The following APOOL variants were observed in gnomAD, a reference collection of about 807,000 sequenced individuals.
The protein encoded by APOOL is MICOS complex subunit MIC27.
APOOL carries 12 observed loss-of-function variants against 23.1 expected under a neutral mutation model. That is an observed-to-expected ratio of 0.52 (90% CI 0.33 to 0.84). APOOL has a LOEUF of 0.84. APOOL is among the 40% of genes least tolerant of loss of function. The pLI is 0.02. For missense variants in APOOL, 212 were observed against 199.6 expected, an observed-to-expected ratio of 1.06 and a Z score of -0.37; for synonymous variants, 77 against 69.9, an observed-to-expected ratio of 1.10 and a Z score of -0.51.
rs916178297 is a variant in APOOL at position 85,049,851 on chromosome X, A to C, written c.121-1538A>C. Among the ~76,000 whole-genome samples the C allele has an allele frequency of 3.6e-5, 4 of 111,498 alleles. No homozygotes were observed. The Admixed American group carries it at 3.8e-4, about 11-fold the overall frequency. On this transcript the variant is annotated intron_variant, in intron 2 of 8. Transcript: ENST00000373173. ...TTTTGATGGGGACAGAGGAGAGAGA[A>C]TAAGAACAATGAGTGTAATAAAGTT...
At chrX:85,049,063 G>A (rs1922673536) in intron 2 of APOOL, among the ~76,000 whole-genome samples, 1 of 111,298 alleles carries the variant, frequency 9.0e-6, no homozygotes. Flanking sequence ...CCATTTGCTT[G>A]TTGTCACTGA....
chrX:85,049,890 T>G (rs1267937284), intron 2 of APOOL, among the ~76,000 whole-genome samples: 1 of 111,589 alleles, frequency 9.0e-6, no homozygotes, highest in African/African-American at 3.3e-5. Flanking sequence ...AATTGGGATG[T>G]GTAAATAATA....
chrX:85,048,082 G>T (rs748695338), intron 2 of APOOL, among the ~76,000 whole-genome samples: 2 of 110,988 alleles, frequency 1.8e-5, no homozygotes, highest in East Asian at 5.7e-4. Flanking sequence ...TCTATAAGCC[G>T]AAGTGTAGGT....
chrX:85,083,796 A>G (rs1271449505), intron 8 of APOOL, among the ~76,000 whole-genome samples: 1 of 111,958 alleles, frequency 8.9e-6, no homozygotes, highest in Non-Finnish European at 1.9e-5. Flanking sequence ...GAACTAAATT[A>G]TCAGTTATGT....
At chrX:85,058,040 T>C (rs557302316) in intron 5 of APOOL, among the ~76,000 whole-genome samples, 2 of 111,230 alleles carry the variant, frequency 1.8e-5, no homozygotes, top group South Asian at 7.7e-4. Flanking sequence ...ATAAATATAA[T>C]GAATCTCAGG....
rs940244396 is a variant in APOOL at position 85,054,380 on chromosome X, A to G, written c.277A>G (p.Thr93Ala). Residue 93 changes from threonine (T) to alanine (A), a missense_variant, in exon 4 of 9, where the codon ACA becomes GCA. Thr to Ala is a moderately conservative substitution (Grantham distance 58, BLOSUM62 0). Coordinates refer to ENST00000373173, the MANE Select transcript of APOOL (RefSeq NM_198450.6). ...YVFVKNGIMDTVQFGKDAYVY... is the reference protein window; with the variant it reads ...YVFVKNGIMDAVQFGKDAYVY... ...CTTTGTGAAAAATGGGATAATGGAT[A>G]CAGTACAATTTGGAAAAGGTAGGTG... The G allele has an allele frequency of 4.2e-6, 5 of 1,187,482 alleles. No homozygotes were observed. Among genetic ancestry groups the G allele is most frequent in the Non-Finnish European group, 5.7e-6 (5 of 883,268 alleles).
intron 1 of APOOL, among the ~76,000 whole-genome samples, chrX:85,015,541 A>G (rs908709763): frequency 5.2e-5 from 5 of 96,042 alleles, no homozygotes; most frequent in Admixed American, 1.1e-4. Flanking sequence ...ATCGGACTTT[A>G]ATATTTATTT....
chrX:85,008,535 TTGTGTGTGTGTGTGTG>T lies in APOOL; in HGVS notation c.15+4632_15+4647del, dbSNP rs57105866. Among the ~76,000 whole-genome samples the T allele has an allele frequency of 3.4e-4, 29 of 86,129 alleles. 1 individual carries two copies. In the Admixed American group the frequency reaches 3.8e-3, roughly 11 times the overall value. 74.8% of individuals were successfully genotyped at this position (86,129 alleles called of 115,157 possible). A position where few individuals can be genotyped will look rare whatever the true frequency, so the allele number is the denominator to read the frequency against. On this transcript the variant is annotated intron_variant, in intron 1 of 8. Transcript: ENST00000373173. ...TTTTTTATGGTTGAATGATAACCCG[TTGTGTGTGTGTGTGTG>T]TGTGTGTGTGTGTGTGTGTGTGTAT...
rs1317624137 is a variant in APOOL, at chrX:85,051,542, G to T, written c.240+34G>T. ...ATTCTGATAGTGGTTTAATATCAGA[G>T]ATTTCTGATTAATTGTTCCAGTTAC... On this transcript the variant is annotated intron_variant, in intron 3 of 8. Coordinates refer to ENST00000373173, the MANE Select transcript of APOOL (RefSeq NM_198450.6). 2.5e-6 allele frequency: 3 copies of T among 1,203,907 alleles called. No individual in the cohort carries two copies. In the African/African-American group the frequency reaches 5.2e-5, roughly 21 times the overall value.
chrX:85,016,688 A>T (rs1028694579), intron 1 of APOOL, among the ~76,000 whole-genome samples: 9 of 111,427 alleles, frequency 8.1e-5, no homozygotes, highest in Admixed American at 2.8e-4. Context: ...CCCTTCTCCA[A>T]GACGTTTTAT....
At chrX:85,035,139 A>G (rs1283398174) in intron 1 of APOOL, among the ~76,000 whole-genome samples, 3 of 111,092 alleles carry the variant, frequency 2.7e-5, no homozygotes, top group African/African-American at 9.8e-5. Flanking sequence ...TTGATTTTTT[A>G]TAATAGCCAT....
chrX:85,076,584 T>A (rs1206980406), intron 8 of APOOL, among the ~76,000 whole-genome samples: 6 of 110,933 alleles, frequency 5.4e-5, no homozygotes, highest in African/African-American at 2.0e-4. Flanking sequence ...CAGTGGATAT[T>A]AAAATATATC....
At chrX:85,027,120 A>T (rs868740585) in intron 1 of APOOL, among the ~76,000 whole-genome samples, 1 of 112,018 alleles carries the variant, frequency 8.9e-6, no homozygotes, top group Non-Finnish European at 1.9e-5. Context: ...TGCTTCTGTG[A>T]AGATTCTCAG....
intron 1 of APOOL, among the ~76,000 whole-genome samples, chrX:85,034,870 C>T (rs938460566): frequency 8.9e-6 from 1 of 111,865 alleles, no homozygotes; most frequent in East Asian, 2.8e-4. Flanking sequence ...CACTGATGGG[C>T]ACCTAGGTTT....
chrX:85,050,091 T>C (rs1475240523), intron 2 of APOOL, among the ~76,000 whole-genome samples: 2 of 99,326 alleles, frequency 2.0e-5, no homozygotes, highest in Non-Finnish European at 4.0e-5. Context: ...TTATACATAG[T>C]TGCCAATGTG....
chrX:85,018,832 C>T (rs2147475813), intron 1 of APOOL, among the ~76,000 whole-genome samples: 1 of 111,930 alleles, frequency 8.9e-6, no homozygotes, highest in South Asian at 3.7e-4. Context: ...ACTGATCTTC[C>T]TTAAAATAAT....
At chrX:85,005,743 T>C (rs1191813475) in intron 1 of APOOL, among the ~76,000 whole-genome samples, 1 of 111,490 alleles carries the variant, frequency 9.0e-6, no homozygotes, top group Non-Finnish European at 1.9e-5. Context: ...ATAACACAAA[T>C]GACTGTGATT....
chrX:85,042,755 C>T (rs1922441939), intron 1 of APOOL, among the ~76,000 whole-genome samples: 1 of 111,828 alleles, frequency 8.9e-6, no homozygotes, highest in Admixed American at 9.5e-5. Flanking sequence ...TAGGATTTAT[C>T]CTAGCGATGC....
intron 1 of APOOL, among the ~76,000 whole-genome samples, chrX:85,007,730 T>C (rs907877735): frequency 1.8e-5 from 2 of 111,322 alleles, no homozygotes; most frequent in Non-Finnish European, 3.8e-5. Context: ...AAAGCCAAGT[T>C]TCATTTAATG....
Sources: gnomAD v4.1 joint callset for allele counts (sites outside exome capture counted in the v4.1 genomes callset) on GRCh38, gnomAD v4.1.1 for gene constraint, MANE v1.5 for transcripts, NCBI Gene and HGNC (gene_info 2026-07-23, HGNC 2026-07-21) for gene names.